The following UGT1A8 variants were observed in gnomAD, a reference collection of about 807,000 sequenced individuals.
UGT1A8 encodes the protein UDP-glucuronosyltransferase 1A8.
A neutral mutation model predicts 45.3 loss-of-function variants in UGT1A8; 39 were observed. That is an observed-to-expected ratio of 0.86 (90% CI 0.67 to 1.12). The LOEUF (loss-of-function observed/expected upper bound fraction) is 1.12. UGT1A8 is among the 50% of genes most tolerant of loss of function. The pLI, the probability that UGT1A8 is intolerant of heterozygous loss-of-function variation, is 0.00. For missense variants in UGT1A8, 719 were observed against 664.9 expected, an observed-to-expected ratio of 1.08 and a Z score of -0.90; for synonymous variants, 275 against 249.2, an observed-to-expected ratio of 1.10 and a Z score of -0.97.
At chr2:233,653,975 G>A (rs1334619750) in intron 1 of UGT1A8, among the ~76,000 whole-genome samples, 1 of 152,190 alleles carries the variant, frequency 6.6e-6, no homozygotes, top group South Asian at 2.1e-4. Flanking sequence ...ACATTTGTAC[G>A]TACATGCCTA....
In UGT1A8 at chr2:233,648,145, C is replaced by T. The variant is rs149460120; in HGVS notation, c.855+29583C>T. The T allele has an allele frequency of 2.4e-4, 305 of 1,255,770 alleles. 2 individuals carry two copies. Among genetic ancestry groups the T allele is most frequent in the African/African-American group, 2.2e-3 (146 of 66,536 alleles). The allele number at this position is 1,255,770 out of a possible 1,614,324, so 77.8% of individuals were successfully genotyped here. Reference sequence around the variant, plus strand: ...TGCTCAATGGGAAGCAGAAGTACGACGCTTATTTTCTCTATTAATGAGTTC... The same window carrying T: ...TGCTCAATGGGAAGCAGAAGTACGATGCTTATTTTCTCTATTAATGAGTTC... On this transcript the variant is annotated intron_variant, in intron 1 of 4. Coordinates refer to ENST00000373450, the MANE Select transcript of UGT1A8 (RefSeq NM_019076.5).
At chr2:233,765,068 C>T (rs1698740394) in intron 1 of UGT1A8, among the ~76,000 whole-genome samples, 1 of 152,072 alleles carries the variant, frequency 6.6e-6, no homozygotes. Flanking sequence ...TCAGAGGTCT[C>T]CTGTGTCTCA....
intron 1 of UGT1A8, among the ~76,000 whole-genome samples, chr2:233,627,781 A>G (rs1052911113): frequency 1.3e-5 from 2 of 151,824 alleles, no homozygotes; most frequent in African/African-American, 4.8e-5. Context: ...CAATCAAGCA[A>G]TTCGACTTTT....
chr2:233,745,133 G>A (rs1291736176), intron 1 of UGT1A8, among the ~76,000 whole-genome samples: 1 of 151,810 alleles, frequency 6.6e-6, no homozygotes, highest in East Asian at 1.9e-4. Flanking sequence ...CTGCAGATGT[G>A]AAGCCCAAGT....
intron 1 of UGT1A8, among the ~76,000 whole-genome samples, chr2:233,629,988 A>G (rs1021904674): frequency 2.0e-5 from 3 of 151,982 alleles, no homozygotes; most frequent in African/African-American, 7.3e-5. Flanking sequence ...TCTCATTCCT[A>G]ATATTGATAA....
In UGT1A8 at chr2:233,769,947, C is replaced by T. The variant is rs202080312; in HGVS notation, c.1295+1508C>T. On this transcript the variant is annotated intron_variant, in intron 4 of 4. Coordinates refer to ENST00000373450, the MANE Select transcript of UGT1A8 (RefSeq NM_019076.5). The surrounding 1 kb of genome is among the most constrained non-coding windows in gnomAD (Gnocchi z 4.4). ...GTGTGGTCCCATTCCTTCCTTCCAG[C>T]GGCTTCTTCTGGCCACCTCAATGTC... The T allele has an allele frequency of 2.2e-5, 5 of 224,160 alleles. No homozygotes were observed. Among genetic ancestry groups the T allele is most frequent in the Non-Finnish European group, 3.5e-5 (4 of 114,192 alleles). 13.9% of individuals were successfully genotyped at this position (224,160 alleles called of 1,614,324 possible). A position where few individuals can be genotyped will look rare whatever the true frequency, so the allele number is the denominator to read the frequency against.
intron 1 of UGT1A8, among the ~76,000 whole-genome samples, chr2:233,625,377 A>G (rs2073071194): frequency 6.6e-6 from 1 of 152,112 alleles, no homozygotes; most frequent in South Asian, 2.1e-4. Context: ...TGTGGGAAGT[A>G]GTTTGGAGAT....
At chr2:233,745,112 G>C (rs1457181143) in intron 1 of UGT1A8, among the ~76,000 whole-genome samples, 1 of 151,730 alleles carries the variant, frequency 6.6e-6, no homozygotes, top group Non-Finnish European at 1.5e-5. Flanking sequence ...TTAATCTGCT[G>C]TTGGCTGAAT....
intron 1 of UGT1A8, among the ~76,000 whole-genome samples, chr2:233,685,161 A>T (rs1381335306): frequency 6.6e-6 from 1 of 152,142 alleles, no homozygotes; most frequent in African/African-American, 2.4e-5. Flanking sequence ...TTTAACAAGG[A>T]TGGTAGATCA....
At chr2:233,664,292 C>A (rs2074032464) in intron 1 of UGT1A8, among the ~76,000 whole-genome samples, 1 of 152,188 alleles carries the variant, frequency 6.6e-6, no homozygotes, top group African/African-American at 2.4e-5. Flanking sequence ...GCCCTCCAAA[C>A]TCTTCAAACG....
chr2:233,704,869 C>G (rs1043405753), intron 1 of UGT1A8, among the ~76,000 whole-genome samples: 1 of 152,166 alleles, frequency 6.6e-6, no homozygotes, highest in Non-Finnish European at 1.5e-5. Flanking sequence ...CACGGTGGCT[C>G]ACTCCTGTAA....
intron 1 of UGT1A8, among the ~76,000 whole-genome samples, chr2:233,761,318 C>T (rs1697742330): frequency 6.6e-6 from 1 of 152,218 alleles, no homozygotes; most frequent in South Asian, 2.1e-4. Context: ...TTGGCATCAT[C>T]TTCTGGATGA....
At chr2:233,677,522 A>C (rs1213287433) in intron 1 of UGT1A8, among the ~76,000 whole-genome samples, 1 of 152,220 alleles carries the variant, frequency 6.6e-6, no homozygotes, top group African/African-American at 2.4e-5. Flanking sequence ...TATTATGACA[A>C]TGCAGCTAGC....
At chr2:233,713,363 A>T (rs753739474) in intron 1 of UGT1A8, 20 of 1,614,076 alleles carry the variant, frequency 1.2e-5, no homozygotes, top group East Asian at 2.2e-5. Context: ...CTTTGATCAT[A>T]CATAGGTCTT....
chr2:233,765,409 TGG>T (rs1441721232), intron 1 of UGT1A8, among the ~76,000 whole-genome samples: 3 of 152,208 alleles, frequency 2.0e-5, no homozygotes, highest in African/African-American at 7.2e-5. Flanking sequence ...ATATACACCA[TGG>T]AATACTATGC....
chr2:233,682,480 A>C (rs200477397), intron 1 of UGT1A8: 29 of 1,613,824 alleles, frequency 1.8e-5, no homozygotes, highest in Non-Finnish European at 2.4e-5. Context: ...AAGAAGGTGC[A>C]CAGTGCCCTG....
At chr2:233,630,650 T>A (rs2073170055) in intron 1 of UGT1A8, among the ~76,000 whole-genome samples, 1 of 151,990 alleles carries the variant, frequency 6.6e-6, no homozygotes, top group Non-Finnish European at 1.5e-5. Context: ...TGACAGAAGG[T>A]GATGGAGAGC....
chr2:233,757,966 T>C (rs1008713784), intron 1 of UGT1A8, among the ~76,000 whole-genome samples: 4 of 152,150 alleles, frequency 2.6e-5, no homozygotes, highest in Admixed American at 6.5e-5. Context: ...GTGTGATTTC[T>C]CAGCCCCTAG....
chr2:233,653,137 G>A (rs2073779621), intron 1 of UGT1A8, among the ~76,000 whole-genome samples: 1 of 152,154 alleles, frequency 6.6e-6, no homozygotes, highest in Non-Finnish European at 1.5e-5. Flanking sequence ...TGAATGTTAA[G>A]AGCCTGAGAG....
Sources: allele counts gnomAD v4.1 joint callset (sites outside exome capture counted in the v4.1 genomes callset), GRCh38; gene constraint gnomAD v4.1.1; non-coding constraint Gnocchi (gnomAD v3.1); transcripts MANE v1.5; gene names NCBI Gene and HGNC (gene_info 2026-07-23, HGNC 2026-07-21).